KIAA0513: variants seen among roughly 807,000 people sequenced by gnomAD.
KIAA0513 encodes KIAA0513.
A neutral mutation model predicts 56.5 loss-of-function variants in KIAA0513; 39 were observed. The observed-to-expected ratio is 0.69, with a 90% CI of 0.53 to 0.90. The LOEUF (loss-of-function observed/expected upper bound fraction) is 0.90. Ranked by LOEUF, KIAA0513 falls within the 40% of genes least tolerant of loss-of-function variation. The pLI, the probability that KIAA0513 is intolerant of heterozygous loss-of-function variation, is 0.00. For missense variants in KIAA0513, 591 were observed against 535.2 expected (o/e 1.10, Z -1.03); for synonymous variants, 268 against 215.6 (o/e 1.24, Z -2.13).
intron 2 of KIAA0513, among the ~76,000 whole-genome samples, chr16:85,067,899 C>A (rs934902160): frequency 6.6e-6 from 1 of 151,848 alleles, no homozygotes; most frequent in Non-Finnish European, 1.5e-5. Context: ...CAAGCTCTGC[C>A]TCCCAGGTTT....
intron 1 of KIAA0513, among the ~76,000 whole-genome samples, chr16:85,043,401 ATTTTTTTT>A (rs761248323): frequency 7.7e-5 from 6 of 77,920 alleles, no homozygotes; most frequent in Admixed American, 1.7e-4. Context: ...TGCTTCTTGG[ATTTTTTTT>A]TTTTTTTTTT....
At chr16:85,056,163 G>T (rs890670277) in intron 1 of KIAA0513, among the ~76,000 whole-genome samples, 2 of 152,256 alleles carry the variant, frequency 1.3e-5, no homozygotes, top group African/African-American at 4.8e-5. Flanking sequence ...GGGGTTGGTT[G>T]CGATGGACGG....
rs375009767 is a variant in KIAA0513 at position 85,071,910 on chromosome 16, G to A, written c.429+28G>A. The A allele has an allele frequency of 5.3e-5, 75 of 1,408,980 alleles. No homozygotes were observed. In the Middle Eastern group the frequency reaches 2.8e-3, roughly 53 times the overall value. The allele number at this position is 1,408,980 out of a possible 1,614,324, so 87.3% of individuals were successfully genotyped here. ...AAGGGCGAGGTGATGGGAAGGATGG[G>A]CGTTTACTCTCAAGGAAGAATCTAG... On this transcript the variant is annotated intron_variant, in intron 3 of 12. Transcript: ENST00000683363.
intron 1 of KIAA0513, among the ~76,000 whole-genome samples, chr16:85,049,021 C>A (rs142657621): frequency 1.3e-5 from 2 of 152,328 alleles, no homozygotes; most frequent in East Asian, 3.9e-4. Flanking sequence ...GGCAGAAGTT[C>A]TTTCTTGAAG....
chr16:85,078,512 C>G, intron 7 of KIAA0513, 57 bp downstream of exon 7: 1 of 1,553,276 alleles, frequency 6.4e-7, no homozygotes, highest in Middle Eastern at 1.7e-4. Flanking sequence ...TCAGCCAGCA[C>G]ACAAGCAGGT....
intron 7 of KIAA0513, 80 bp downstream of exon 7, chr16:85,078,535 G>C (rs1331036800): frequency 8.7e-6 from 12 of 1,377,544 alleles, no homozygotes; most frequent in Non-Finnish European, 1.2e-5. Flanking sequence ...ACGGCCTCTG[G>C]GGCTTTCCTG....
At chr16:85,061,221 G>C (rs1157552362) in intron 1 of KIAA0513, among the ~76,000 whole-genome samples, 1 of 151,950 alleles carries the variant, frequency 6.6e-6, no homozygotes, top group African/African-American at 2.4e-5. Flanking sequence ...GCTGCAGACA[G>C]ACTTTTGGCA....
rs116956564 is a variant in KIAA0513 at position 85,088,730 on chromosome 16, G to A, written c.*405G>A. Reference sequence around the variant, plus strand: ...GGCTGCAGCCGGCACACCCAGTGGTGGAGGGCCGGCGCTGCCACTCACGGT... The same window carrying A: ...GGCTGCAGCCGGCACACCCAGTGGTAGAGGGCCGGCGCTGCCACTCACGGT... On this transcript the variant is annotated 3_prime_UTR_variant, in exon 13 of 13. Coordinates refer to ENST00000683363, the MANE Select transcript of KIAA0513 (RefSeq NM_001388359.1). 0.018 allele frequency: 3,283 copies of A among 186,230 alleles called. 44 individuals carry two copies. The highest frequency in any genetic ancestry group is 0.06 in the East Asian group (417 of 6,958). The allele number at this position is 186,230 out of a possible 1,614,324, so 11.5% of individuals were successfully genotyped here. A position where few individuals can be genotyped will look rare whatever the true frequency, so the allele number is the denominator to read the frequency against.
Position 85,066,986 on chromosome 16 carries a change from A to G in KIAA0513, c.-86A>G. 3 of 1,237,112 alleles carry G rather than the reference A, an allele frequency of 2.4e-6. No homozygotes were observed. In the South Asian group the frequency reaches 4.4e-5, roughly 18 times the overall value. 76.6% of individuals were successfully genotyped at this position (1,237,112 alleles called of 1,614,324 possible). A position where few individuals can be genotyped will look rare whatever the true frequency, so the allele number is the denominator to read the frequency against. On this transcript the variant is annotated 5_prime_UTR_variant, in exon 2 of 13. Coordinates refer to ENST00000683363, the MANE Select transcript of KIAA0513 (RefSeq NM_001388359.1). Reference sequence around the variant, plus strand: ...CAACTTGTGAGCTTGGTGGGCTCCTACTAACGCACCTGGGACACCAGGCTG... The same window carrying G: ...CAACTTGTGAGCTTGGTGGGCTCCTGCTAACGCACCTGGGACACCAGGCTG...
chr16:85,053,667 C>A (rs563635675), intron 1 of KIAA0513, among the ~76,000 whole-genome samples: 4 of 151,686 alleles, frequency 2.6e-5, no homozygotes, highest in East Asian at 2.0e-4. Flanking sequence ...CAGAATCAGC[C>A]CAGGCAATAT....
At chr16:85,030,176 TTA>T (rs2072943379) in intron 1 of KIAA0513, among the ~76,000 whole-genome samples, 1 of 152,206 alleles carries the variant, frequency 6.6e-6, no homozygotes, top group Non-Finnish European at 1.5e-5. Context: ...TCAGATTTAT[TTA>T]GACGTCCTTG....
At chr16:85,054,152 T>C (rs901457758) in intron 1 of KIAA0513, among the ~76,000 whole-genome samples, 4 of 152,116 alleles carry the variant, frequency 2.6e-5, no homozygotes, top group Non-Finnish European at 4.4e-5. Context: ...AGTGAGACCC[T>C]GTCTCAAAAA....
chr16:85,053,990 CAAAAAA>C (rs770896525), intron 1 of KIAA0513, among the ~76,000 whole-genome samples: 1 of 80,726 alleles, frequency 1.2e-5, no homozygotes, highest in East Asian at 3.7e-4. Context: ...GACTCTGTCT[CAAAAAA>C]AAAAAAAAAA....
rs901355125 is a variant in KIAA0513 at position 85,081,975 on chromosome 16, G to A, written c.980+583G>A. 2.6e-5 allele frequency among the ~76,000 whole-genome samples: 4 copies of A among 152,330 alleles called. No individual in the cohort carries two copies. Among genetic ancestry groups the A allele is most frequent in the Admixed American group, 6.5e-5 (1 of 15,306 alleles). ...CCACCATGTGCAGCGACATGACAGCGAGGGACGGCAGCCCCTGGGGGAGCC... is the reference window on the plus strand; with the variant it reads ...CCACCATGTGCAGCGACATGACAGCAAGGGACGGCAGCCCCTGGGGGAGCC... On this transcript the variant is annotated intron_variant, in intron 9 of 12. Transcript: ENST00000683363. This position sits in a 1 kb window ranked among gnomAD's most constrained non-coding sequence, Gnocchi z 4.4.
Position 85,081,459 on chromosome 16 carries a change from T to C in KIAA0513, c.980+67T>C. The C allele has an allele frequency of 7.2e-7, 1 of 1,389,086 alleles. No individual in the cohort carries two copies. The highest frequency in any genetic ancestry group is 1.0e-6 in the Non-Finnish European group (1 of 999,570). The allele number at this position is 1,389,086 out of a possible 1,614,324, so 86.0% of individuals were successfully genotyped here. A position where few individuals can be genotyped will look rare whatever the true frequency, so the allele number is the denominator to read the frequency against. On this transcript the variant is annotated intron_variant, in intron 9 of 12. Coordinates refer to ENST00000683363, the MANE Select transcript of KIAA0513 (RefSeq NM_001388359.1). The surrounding 1 kb of genome is among the most constrained non-coding windows in gnomAD (Gnocchi z 4.4). ...ACCAGGGAGTGGCTTTATTTCCCGG[T>C]TTCGGAAGAGGAGAGCAGAAGAGCA...
chr16:85,078,367 A>G (rs749045162), intron 6 of KIAA0513, 48 bp from the exon 7 acceptor site: 42 of 1,607,290 alleles, frequency 2.6e-5, no homozygotes, highest in Non-Finnish European at 3.3e-5. Context: ...GAGTTGAGAA[A>G]GTGTGGTGTG....
chr16:85,044,226 C>T (rs1056451346), intron 1 of KIAA0513, among the ~76,000 whole-genome samples: 1 of 152,158 alleles, frequency 6.6e-6, no homozygotes, highest in Non-Finnish European at 1.5e-5. Flanking sequence ...GACATTGGGT[C>T]AGTCGTATTG....
At position 85,077,459 on chromosome 16, in the gene KIAA0513, G is replaced by A. The variant is rs1214525108; in HGVS notation, c.609G>A (p.Glu203=). 2 of 1,614,122 alleles carry A rather than the reference G, an allele frequency of 1.2e-6. No homozygotes were observed. Among genetic ancestry groups the A allele is most frequent in the East Asian group, 4.5e-5 (2 of 44,856 alleles). ...AGCTGCTGCCCCCGGAGTCCCGGGA[G>A]AAGCCCGCGGGCAGCATCGACTCCT... ...KPQLLPPESR[E]KPAGSIDSYL... The change falls in exon 6 of 13, where the codon GAG becomes GAA. Residue 203 remains glutamate (E), a synonymous_variant. Transcript: ENST00000683363.
At position 85,067,214 on chromosome 16, in the gene KIAA0513, C is replaced by T; in HGVS notation, c.143C>T (p.Thr48Ile). The T allele has an allele frequency of 2.5e-6, 4 of 1,614,170 alleles. No homozygotes were observed. The highest frequency in any genetic ancestry group is 3.4e-6 in the Non-Finnish European group (4 of 1,180,006). Residue 48 changes from threonine (T) to isoleucine (I), a missense_variant, in exon 2 of 13, where the codon ACT (threonine) becomes ATT (isoleucine). By Grantham distance (89) the Thr-to-Ile change is moderately conservative. Transcript: ENST00000683363. ...GACGGTGCATCAGAGAGTGAGACCA[C>T]TGAGTCTGCGGACAGTGAGAATGAC... Reference protein sequence around the residue: ...LGDGASESETTESADSENDMG... With the variant: ...LGDGASESETIESADSENDMG...
Sources: gnomAD v4.1 joint callset for allele counts (sites outside exome capture counted in the v4.1 genomes callset) on GRCh38, gnomAD v4.1.1 for gene constraint, Gnocchi (gnomAD v3.1) non-coding constraint, MANE v1.5 for transcripts, NCBI Gene and HGNC (gene_info 2026-07-23, HGNC 2026-07-21) for gene names.